The following TBC1D8 variants were observed in gnomAD, a reference collection of about 807,000 sequenced individuals.
TBC1D8 encodes the protein BUB2-like protein 1.
Under a neutral mutation model 118.8 loss-of-function variants are expected in TBC1D8, and 65 were observed. That is an observed-to-expected ratio of 0.55 (90% CI 0.45 to 0.67). The LOEUF is 0.67. Ranked by LOEUF, TBC1D8 falls within the 30% of genes least tolerant of loss-of-function variation. The pLI, the probability that TBC1D8 is intolerant of heterozygous loss-of-function variation, is 0.00. For missense variants in TBC1D8, 1,376 were observed against 1,471.2 expected (o/e 0.94, Z 1.06); for synonymous variants, 566 against 595.8 (o/e 0.95, Z 0.73).
chr2:101,116,338 T>C (rs1370123657), intron 1 of TBC1D8, among the ~76,000 whole-genome samples: 2 of 152,158 alleles, frequency 1.3e-5, no homozygotes, highest in Non-Finnish European at 2.9e-5. Context: ...AGAGTCACAA[T>C]CCTCACTCTG....
At chr2:101,147,086 AGGCCG>A (rs1362195040) in intron 1 of TBC1D8, among the ~76,000 whole-genome samples, 5 of 150,426 alleles carry the variant, frequency 3.3e-5, no homozygotes, top group African/African-American at 7.3e-5. Flanking sequence ...GCCGAGGCCG[AGGCCG>A]AGGCAGGAGG....
chr2:101,071,339 C>T (rs564816104), intron 2 of TBC1D8, among the ~76,000 whole-genome samples: 5 of 149,864 alleles, frequency 3.3e-5, no homozygotes, highest in Middle Eastern at 3.5e-3. Context: ...AGCGAGACTC[C>T]GTCTCAAAAA....
chr2:101,123,689 T>C (rs901409900), intron 1 of TBC1D8, among the ~76,000 whole-genome samples: 4 of 152,200 alleles, frequency 2.6e-5, no homozygotes, highest in African/African-American at 7.2e-5. Context: ...GTCACAGATA[T>C]AGGTCTACCT....
chr2:101,129,054 T>C (rs1167779348), intron 1 of TBC1D8, among the ~76,000 whole-genome samples: 1 of 152,258 alleles, frequency 6.6e-6, no homozygotes, highest in East Asian at 1.9e-4. Flanking sequence ...ACTGCGAATG[T>C]ATGTAATGCC....
At chr2:101,033,003 T>C (rs1361782042) in intron 10 of TBC1D8, 2 of 205,368 alleles carry the variant, frequency 9.7e-6, no homozygotes, top group African/African-American at 4.6e-5. Context: ...TCTGTAGAGG[T>C]CTAGAAATTC....
intron 1 of TBC1D8, chr2:101,110,088 G>A (rs973715683): frequency 2.2e-6 from 2 of 916,928 alleles, no homozygotes; most frequent in Admixed American, 6.2e-5. Flanking sequence ...TAGATGTCAA[G>A]TGACAAGTTT....
At chr2:101,021,596 A>G in intron 17 of TBC1D8, 85 bp downstream of exon 17, 1 of 971,218 alleles carries the variant, frequency 1.0e-6, no homozygotes, top group Non-Finnish European at 1.6e-6. Flanking sequence ...GAACTTTAAA[A>G]AGAGAAGAGC....
chr2:101,057,969 A>G (rs1294354973), intron 3 of TBC1D8, among the ~76,000 whole-genome samples: 6 of 152,238 alleles, frequency 3.9e-5, no homozygotes, highest in South Asian at 2.1e-4. Context: ...CACTGTAGCG[A>G]AAGTTAATTT....
chr2:101,119,717 A>T (rs1181511616), intron 1 of TBC1D8, among the ~76,000 whole-genome samples: 2 of 151,932 alleles, frequency 1.3e-5, no homozygotes, highest in African/African-American at 4.8e-5. Context: ...AAGGCTCTTG[A>T]CTCTGCCACT....
intron 3 of TBC1D8, among the ~76,000 whole-genome samples, chr2:101,058,866 G>C (rs1245677905): frequency 6.6e-6 from 1 of 151,538 alleles, no homozygotes; most frequent in Admixed American, 6.6e-5. Context: ...CTCCTGTAAA[G>C]GATAACAAAA....
chr2:101,105,609 C>T (rs116568609), intron 1 of TBC1D8, among the ~76,000 whole-genome samples: 266 of 140,790 alleles, frequency 1.9e-3, no homozygotes, highest in East Asian at 8.7e-3. Flanking sequence ...AAAAAAAAAA[C>T]ATATATATAT....
At chr2:101,107,520 G>C (rs1354512550) in intron 1 of TBC1D8, among the ~76,000 whole-genome samples, 1 of 152,018 alleles carries the variant, frequency 6.6e-6, no homozygotes, top group Non-Finnish European at 1.5e-5. Context: ...GTTGCATGAA[G>C]AAATATTTAT....
At chr2:101,044,309 A>T (rs1479816046) in intron 5 of TBC1D8, among the ~76,000 whole-genome samples, 4 of 152,222 alleles carry the variant, frequency 2.6e-5, no homozygotes, top group Admixed American at 2.0e-4. Context: ...TTTCCAGCAT[A>T]ACTGAGATGA....
chr2:101,011,416 T>G (rs1209655485), intron 18 of TBC1D8, 35 bp downstream of exon 18: 1 of 1,608,518 alleles, frequency 6.2e-7, no homozygotes, highest in Non-Finnish European at 8.5e-7. Context: ...TGCAGTGGTA[T>G]GCAGGGGAAA....
At chr2:101,065,079 C>T (rs940945808) in intron 2 of TBC1D8, among the ~76,000 whole-genome samples, 2 of 152,150 alleles carry the variant, frequency 1.3e-5, no homozygotes, top group Non-Finnish European at 2.9e-5. Context: ...GGAAATAAAA[C>T]AAGCATCTCA....
In TBC1D8 at chr2:101,011,003, G is replaced by GT; in HGVS notation, c.2940dup (p.Gln981ThrfsTer7). On this transcript the variant is annotated frameshift_variant, in exon 19 of 20. Transcript: ENST00000409318. LOFTEE classifies it high-confidence loss of function. ...AAATCCTTAATCATCTGCTTCAGCT[G>GT]TTTCTGATAATCAACTGCATCACCT... The GT allele has an allele frequency of 2.5e-6, 4 of 1,612,658 alleles. 1 individual carries two copies. The highest frequency in any genetic ancestry group is 3.4e-6 in the Non-Finnish European group (4 of 1,179,862).
chr2:101,028,575 T>C, intron 12 of TBC1D8, 143 bp from the exon 13 acceptor site: 2 of 1,267,764 alleles, frequency 1.6e-6, no homozygotes, highest in South Asian at 1.9e-5. Context: ...GCTCGGCTTA[T>C]TTTAGAGAAG....
intron 1 of TBC1D8, among the ~76,000 whole-genome samples, chr2:101,146,556 TTAGAG>T (rs1271791590): frequency 6.6e-6 from 1 of 152,224 alleles, no homozygotes; most frequent in East Asian, 1.9e-4. Context: ...TATTTGTTAT[TTAGAG>T]TAATGTTTAT....
intron 1 of TBC1D8, among the ~76,000 whole-genome samples, chr2:101,133,420 T>A (rs978997038): frequency 6.6e-6 from 1 of 152,090 alleles, no homozygotes; most frequent in African/African-American, 2.4e-5. Context: ...CTTCCCTCTC[T>A]CCCTGTCTTA....
Sources: allele counts gnomAD v4.1 joint callset (sites outside exome capture counted in the v4.1 genomes callset), GRCh38; gene constraint gnomAD v4.1.1; transcripts MANE v1.5; gene names NCBI Gene and HGNC (gene_info 2026-07-23, HGNC 2026-07-21).